Variants in THADA observed in about 807,000 individuals in gnomAD.
The protein encoded by THADA is tRNA (32-2'-O)-methyltransferase regulator THADA.
Under a neutral mutation model 219.8 loss-of-function variants are expected in THADA, and 213 were observed. That is an observed-to-expected ratio of 0.97 (90% CI 0.87 to 1.09). The LOEUF (loss-of-function observed/expected upper bound fraction) is 1.09. Ranked by LOEUF, THADA falls within the 50% of genes least tolerant of loss-of-function variation. The pLI is 0.00. For synonymous variants in THADA, 1,018 were observed against 828.9 expected (o/e 1.23, Z -3.92); for missense variants, 2,956 against 2,311.3 (o/e 1.28, Z -5.72).
chr2:43,460,792 G>A (rs901865917), intron 26 of THADA, among the ~76,000 whole-genome samples: 1 of 152,330 alleles, frequency 6.6e-6, no homozygotes. Flanking sequence ...CCAAACTGGT[G>A]GGGGAGAGCC....
At chr2:43,498,091 G>A (rs1688496270) in intron 25 of THADA, among the ~76,000 whole-genome samples, 1 of 152,008 alleles carries the variant, frequency 6.6e-6, no homozygotes, top group Non-Finnish European at 1.5e-5. Flanking sequence ...CACACAGTAT[G>A]GATCAACCCT....
chr2:43,286,455 G>A (rs1674017774), intron 35 of THADA, among the ~76,000 whole-genome samples: 1 of 152,082 alleles, frequency 6.6e-6, no homozygotes, highest in Admixed American at 6.6e-5. Context: ...AGAGTGTGTT[G>A]GTGGTCTGGG....
rs1043003653 is a variant in THADA, at chr2:43,457,224, G to A, written c.3837-26922C>T. Among the ~76,000 whole-genome samples, 17 of 148,716 alleles carry A rather than the reference G, an allele frequency of 1.1e-4. No homozygotes were observed. In the South Asian group the frequency reaches 1.9e-3, roughly 17 times the overall value. ...GGTGATTAAAGGAGATGAAAATGGC[G>A]GTATACACAATGCTACTCTCACTCT... On this transcript the variant is annotated intron_variant, in intron 26 of 37. Transcript: ENST00000405975.
chr2:43,351,614 A>G (rs1668271159), intron 29 of THADA, among the ~76,000 whole-genome samples: 1 of 152,188 alleles, frequency 6.6e-6, no homozygotes, highest in Non-Finnish European at 1.5e-5. Flanking sequence ...AATCTATACT[A>G]TCCTTTTCTA....
chr2:43,399,594 A>G (rs182369330), intron 28 of THADA, among the ~76,000 whole-genome samples: 146 of 152,326 alleles, frequency 9.6e-4, no homozygotes, highest in South Asian at 4.1e-3. Flanking sequence ...TTCCCCCAAG[A>G]CAGTTACGTC....
rs1690834133 is a variant in THADA at position 43,514,003 on chromosome 2, T to G, written c.3375-5223A>C. Among the ~76,000 whole-genome samples, 3 of 149,062 alleles carry G rather than the reference T, an allele frequency of 2.0e-5. No individual in the cohort carries two copies. In the South Asian group the frequency reaches 6.4e-4, roughly 32 times the overall value. On this transcript the variant is annotated intron_variant, in intron 22 of 37. Coordinates refer to ENST00000405975, the MANE Select transcript of THADA (RefSeq NM_022065.5). ...TGAGCCCAGGAATTCAGGGCTACAG[T>G]GAGTTATGATGACACCACTAGACTC...
intron 30 of THADA, among the ~76,000 whole-genome samples, chr2:43,338,851 G>T (rs1307951730): frequency 6.6e-6 from 1 of 152,194 alleles, no homozygotes; most frequent in Non-Finnish European, 1.5e-5. Flanking sequence ...TCTCAAGTCT[G>T]TTGGGTATGT....
intron 26 of THADA, among the ~76,000 whole-genome samples, chr2:43,454,243 A>T (rs899649781): frequency 3.9e-5 from 6 of 152,206 alleles, no homozygotes; most frequent in Non-Finnish European, 7.3e-5. Context: ...AGCAATATAC[A>T]AATAAGTAAG....
At chr2:43,346,952 T>C (rs1667690744) in intron 29 of THADA, among the ~76,000 whole-genome samples, 1 of 152,208 alleles carries the variant, frequency 6.6e-6, no homozygotes, top group African/African-American at 2.4e-5. Flanking sequence ...TGGTGCTTCT[T>C]CCTATATTCA....
intron 25 of THADA, among the ~76,000 whole-genome samples, chr2:43,487,006 T>A (rs1686994106): frequency 6.6e-6 from 1 of 152,206 alleles, no homozygotes; most frequent in Non-Finnish European, 1.5e-5. Flanking sequence ...ACAATCCATA[T>A]CAAAAATGCA....
intron 26 of THADA, among the ~76,000 whole-genome samples, chr2:43,448,560 CTT>C (rs71410179): frequency 5.1e-4 from 53 of 103,604 alleles, no homozygotes; most frequent in African/African-American, 1.4e-3. Context: ...TTCTTCCTTT[CTT>C]TTTTTTTTTT....
chr2:43,467,520 A>C (rs1684404250), intron 26 of THADA, among the ~76,000 whole-genome samples: 1 of 152,178 alleles, frequency 6.6e-6, no homozygotes, highest in African/African-American at 2.4e-5. Context: ...ACCTACCCAC[A>C]CAGCAAATAT....
rs751222182 is a variant in THADA, at chr2:43,551,182, AC to A, written c.2947+606del. 4.1e-4 allele frequency among the ~76,000 whole-genome samples: 63 copies of A among 152,338 alleles called. 1 individual carries two copies. The highest frequency in any genetic ancestry group is 3.1e-3 in the South Asian group (15 of 4,830). ...TTATGATACAGTCAGTTTTTCTAAT[AC>A]AAGCCTCTCTTTGCACTCTAAAATA... On this transcript the variant is annotated intron_variant, in intron 19 of 37. Transcript: ENST00000405975.
chr2:43,370,544 T>C (rs1670681342), intron 29 of THADA, among the ~76,000 whole-genome samples: 1 of 152,204 alleles, frequency 6.6e-6, no homozygotes, highest in African/African-American at 2.4e-5. Flanking sequence ...GATTAAAATA[T>C]AAATTATATA....
At chr2:43,326,844 C>G (rs896642556) in intron 30 of THADA, among the ~76,000 whole-genome samples, 1 of 152,204 alleles carries the variant, frequency 6.6e-6, no homozygotes, top group South Asian at 2.1e-4. Context: ...TTTGGACTTA[C>G]CAAGCTCTAC....
intron 26 of THADA, among the ~76,000 whole-genome samples, chr2:43,445,994 A>C (rs1681484650): frequency 6.6e-6 from 1 of 152,210 alleles, no homozygotes. Context: ...CTGTGAAGTC[A>C]CTGGCCCAAA....
At chr2:43,591,078 T>A (rs1332971143) in intron 3 of THADA, 124 bp from the exon 4 acceptor site, 20 of 881,602 alleles carry the variant, frequency 2.3e-5, no homozygotes, top group Non-Finnish European at 3.4e-5. Context: ...CCCAACACTT[T>A]GGGAGGCTGA....
At chr2:43,394,005 TCC>T (rs1358902241) in intron 29 of THADA, among the ~76,000 whole-genome samples, 2 of 152,168 alleles carry the variant, frequency 1.3e-5, no homozygotes, top group African/African-American at 2.4e-5. Context: ...TAATGTTAAG[TCC>T]CCAACATGAA....
At chr2:43,234,515 C>G (rs933090992) in intron 36 of THADA, among the ~76,000 whole-genome samples, 1 of 152,184 alleles carries the variant, frequency 6.6e-6, no homozygotes, top group African/African-American at 2.4e-5. Context: ...GGCTGTGGGT[C>G]TGAGCCATGT....
Sources: allele counts gnomAD v4.1 joint callset (sites outside exome capture counted in the v4.1 genomes callset), GRCh38; gene constraint gnomAD v4.1.1; transcripts MANE v1.5; gene names NCBI Gene and HGNC (gene_info 2026-07-23, HGNC 2026-07-21).